The following CEP85 variants were observed in gnomAD, a reference collection of about 807,000 sequenced individuals.
CEP85 encodes centrosomal protein 85, also known as centrosomal protein of 85 kDa.
A neutral mutation model predicts 93.7 loss-of-function variants in CEP85; 58 were observed. The observed-to-expected ratio is 0.62, with a 90% CI of 0.50 to 0.77. The LOEUF is 0.77. Among genes scored for constraint, CEP85 ranks in the 30% least tolerant of loss-of-function variants. The probability of loss-of-function intolerance (pLI) is 0.00; values close to 1 mark genes in which losing one functional copy is unlikely to be tolerated. For synonymous variants in CEP85, 314 were observed against 338.6 expected (o/e 0.93, Z 0.80); for missense variants, 868 against 922.0 (o/e 0.94, Z 0.76).
chr1:26,237,600 C>T (rs1217823112), intron 1 of CEP85, among the ~76,000 whole-genome samples: 2 of 152,118 alleles, frequency 1.3e-5, no homozygotes, highest in East Asian at 1.9e-4. Flanking sequence ...AGCTCATGGA[C>T]GTTTGTGTTG....
intron 1 of CEP85, among the ~76,000 whole-genome samples, chr1:26,235,960 G>A (rs2089321046): frequency 2.0e-5 from 3 of 152,160 alleles, no homozygotes; most frequent in Admixed American, 2.0e-4. Context: ...TAAAGCCTAG[G>A]TGATGACCAA....
chr1:26,261,094 T>G (rs2089800681), intron 7 of CEP85, among the ~76,000 whole-genome samples: 1 of 151,240 alleles, frequency 6.6e-6, no homozygotes, highest in South Asian at 2.1e-4. Flanking sequence ...CCCAGCTGGA[T>G]TCTGCATTTC....
At chr1:26,246,289 G>C (rs1007946050) in intron 3 of CEP85, among the ~76,000 whole-genome samples, 1 of 152,046 alleles carries the variant, frequency 6.6e-6, no homozygotes, top group Admixed American at 6.6e-5. Context: ...GTGTGGACTT[G>C]TACATAAATG....
At chr1:26,237,416 A>G (rs556297689) in intron 1 of CEP85, among the ~76,000 whole-genome samples, 3 of 152,136 alleles carry the variant, frequency 2.0e-5, no homozygotes, top group African/African-American at 7.2e-5. Flanking sequence ...CTGTGTCTCT[A>G]TGGATTTGCC....
Position 26,277,176 on chromosome 1 carries a change from T to G in CEP85, c.2169T>G (p.Asp723Glu). Residue 723 changes from aspartate to glutamate, a missense_variant, in exon 14 of 14, where the codon GAT becomes GAG. Coordinates refer to ENST00000451429, the MANE Select transcript of CEP85 (RefSeq NM_001319944.2). ...CTCAGCTAGATTTGCAGAAGCCAGA[T>G]GTGATCAAGAGGAAACTAGAAGAGG... ...PETQLDLQKPDVIKRKLEEVQ... is the reference protein window; with the variant it reads ...PETQLDLQKPEVIKRKLEEVQ... The G allele has an allele frequency of 2.5e-6, 4 of 1,614,158 alleles. No homozygotes were observed.
intron 6 of CEP85, 90 bp downstream of exon 6, chr1:26,258,350 A>G: frequency 1.2e-6 from 1 of 823,476 alleles, no homozygotes; most frequent in African/African-American, 1.7e-5. Context: ...GGAGATAGAA[A>G]AGAGCTCAAG....
chr1:26,272,731 C>T (rs1366431308), intron 11 of CEP85, among the ~76,000 whole-genome samples: 1 of 147,432 alleles, frequency 6.8e-6, no homozygotes, highest in African/African-American at 2.5e-5. Context: ...CAGGTTCAAG[C>T]AATTCTCCTG....
At chr1:26,269,297 G>T in intron 8 of CEP85, 163 bp from the exon 9 acceptor site, 3 of 638,052 alleles carry the variant, frequency 4.7e-6, no homozygotes, top group Non-Finnish European at 8.2e-6. Context: ...TCTCACCATT[G>T]TTCCATCTGC....
intron 3 of CEP85, among the ~76,000 whole-genome samples, chr1:26,246,049 A>G (rs1286776749): frequency 6.6e-6 from 1 of 151,854 alleles, no homozygotes; most frequent in Non-Finnish European, 1.5e-5. Context: ...TTATTCCTCT[A>G]GGGAAATACA....
intron 1 of CEP85, among the ~76,000 whole-genome samples, 161 bp downstream of exon 1, chr1:26,234,471 C>A (rs11247878): frequency 6.6e-6 from 1 of 152,190 alleles, no homozygotes; most frequent in South Asian, 2.1e-4. Context: ...CCGGCATACG[C>A]CCTCTCGCGT....
chr1:26,258,576 A>C (rs986285466), intron 6 of CEP85, among the ~76,000 whole-genome samples: 12 of 148,640 alleles, frequency 8.1e-5, no homozygotes, highest in Admixed American at 8.1e-4. Flanking sequence ...AGAGAGAGGC[A>C]AAGGTAATGC....
rs142253289 is a variant in CEP85 at position 26,235,531 on chromosome 1, C to A, written c.-23+1221C>A. ...TGTCTTGATGTGGTTCTCTTAACAG[C>A]TGCCAAGCATGATGTTCCACACTTA... On this transcript the variant is annotated intron_variant, in intron 1 of 13. Transcript: ENST00000451429. Among the ~76,000 whole-genome samples, 168 of 148,476 alleles carry A rather than the reference C, an allele frequency of 1.1e-3. 1 individual carries two copies. The highest frequency in any genetic ancestry group is 4.1e-3 in the African/African-American group (163 of 40,126).
chr1:26,259,492 G>A (rs2089772704), intron 6 of CEP85, 125 bp from the exon 7 acceptor site: 1 of 911,650 alleles, frequency 1.1e-6, no homozygotes, highest in Non-Finnish European at 1.7e-6. Context: ...ACCTAGTTGA[G>A]AACCACTTCT....
Position 26,277,381 on chromosome 1 carries a change from A to T in CEP85, c.*88A>T. ...CTGCCCTGACATTCTCTTGTCTGCTATTCCCAGAGAGGTCTCAGAGGGGAG... is the reference window on the plus strand; with the variant it reads ...CTGCCCTGACATTCTCTTGTCTGCTTTTCCCAGAGAGGTCTCAGAGGGGAG... On this transcript the variant is annotated 3_prime_UTR_variant, in exon 14 of 14. Transcript: ENST00000451429. 7.4e-7 allele frequency: 1 copy of T among 1,349,312 alleles called. No homozygotes were observed. Among genetic ancestry groups the T allele is most frequent in the Non-Finnish European group, 1.0e-6 (1 of 969,856 alleles). The allele number at this position is 1,349,312 out of a possible 1,614,324, so 83.6% of individuals were successfully genotyped here.
intron 11 of CEP85, 69 bp from the exon 12 acceptor site, chr1:26,274,895 C>T (rs1448319298): frequency 1.0e-5 from 13 of 1,248,488 alleles, no homozygotes; most frequent in Admixed American, 8.2e-5. Context: ...TCCAAGCCAG[C>T]GGTGATATTG....
chr1:26,275,114 C>T (rs1365542391), intron 12 of CEP85, 43 bp downstream of exon 12: 2 of 1,457,416 alleles, frequency 1.4e-6, no homozygotes, highest in Admixed American at 4.0e-5. Flanking sequence ...CCTCCACAAA[C>T]CCGATTTCTT....
chr1:26,236,166 T>C (rs1243060141), intron 1 of CEP85, among the ~76,000 whole-genome samples: 4 of 152,208 alleles, frequency 2.6e-5, no homozygotes, highest in Non-Finnish European at 2.9e-5. Flanking sequence ...TTCCTAGCCA[T>C]ATGACCTTCA....
chr1:26,263,519 A>C (rs944491873), intron 7 of CEP85: 7 of 155,644 alleles, frequency 4.5e-5, no homozygotes, highest in Admixed American at 3.9e-4. Flanking sequence ...GCTACAAAAA[A>C]TTTTTAAAAA....
At chr1:26,276,491 C>T in intron 12 of CEP85, 44 bp from the exon 13 acceptor site, 1 of 1,475,708 alleles carries the variant, frequency 6.8e-7, no homozygotes, top group Non-Finnish European at 9.5e-7. Context: ...TACTCTTCCT[C>T]TCCCTGGGCC....
Sources: allele counts gnomAD v4.1 joint callset (sites outside exome capture counted in the v4.1 genomes callset), GRCh38; gene constraint gnomAD v4.1.1; transcripts MANE v1.5; gene names NCBI Gene and HGNC (gene_info 2026-07-23, HGNC 2026-07-21).